The following TYW1 variants were observed in gnomAD, a reference collection of about 807,000 sequenced individuals.
TYW1 encodes the protein tRNA-yW synthesizing protein 1 homolog, also known as S-adenosyl-L-methionine-dependent tRNA 4-demethylwyosine synthase TYW1.
A neutral mutation model predicts 96.2 loss-of-function variants in TYW1; 46 were observed. The observed-to-expected ratio is 0.48, with a 90% confidence interval of 0.38 to 0.61. The LOEUF (loss-of-function observed/expected upper bound fraction) is 0.61, where lower values mean the gene tolerates loss of function less well. TYW1 is among the 20% of genes least tolerant of loss of function. The pLI is 0.00. For synonymous variants in TYW1, 274 were observed against 323.0 expected (o/e 0.85, Z 1.63); for missense variants, 684 against 909.6 (o/e 0.75, Z 3.19).
chr7:67,151,279 C>A (rs1213831153), intron 13 of TYW1, among the ~76,000 whole-genome samples: 1 of 115,694 alleles, frequency 8.6e-6, no homozygotes, highest in Non-Finnish European at 2.0e-5. Flanking sequence ...GAACTCCTGA[C>A]CTCAGGTGAT....
At chr7:67,022,588 C>T (rs1337894871) in intron 6 of TYW1, among the ~76,000 whole-genome samples, 6 of 152,244 alleles carry the variant, frequency 3.9e-5, no homozygotes, top group East Asian at 3.9e-4. Context: ...TTTAGACAAA[C>T]TGGTTGGGAG....
At chr7:67,132,607 T>C (rs1798116755) in intron 13 of TYW1, among the ~76,000 whole-genome samples, 1 of 152,206 alleles carries the variant, frequency 6.6e-6, no homozygotes, top group Non-Finnish European at 1.5e-5. Flanking sequence ...AGTGGTATCA[T>C]GTACATTCAT....
At chr7:67,055,492 G>A (rs112138762) in intron 8 of TYW1, among the ~76,000 whole-genome samples, 9,888 of 151,680 alleles carry the variant, frequency 0.065, 427 homozygotes, top group South Asian at 0.11. Flanking sequence ...CCAATTACGC[G>A]GGAGTCTGAG....
At chr7:67,236,539 T>C (rs1801897055) in intron 15 of TYW1, among the ~76,000 whole-genome samples, 1 of 152,148 alleles carries the variant, frequency 6.6e-6, no homozygotes, top group African/African-American at 2.4e-5. Flanking sequence ...AGTGATTGCC[T>C]CCACAACAGT....
rs1441064106 is a variant in TYW1, at chr7:67,180,247, C to T, written c.1699-2879C>T. 6.1e-5 allele frequency among the ~76,000 whole-genome samples: 8 copies of T among 130,402 alleles called. 2 individuals carry two copies. Among genetic ancestry groups the T allele is most frequent in the East Asian group, 2.0e-4 (1 of 5,080 alleles). 85.5% of individuals were successfully genotyped at this position (130,402 alleles called of 152,430 possible). On this transcript the variant is annotated intron_variant, in intron 13 of 15. Transcript: ENST00000359626. ...GATACGCTGCTGCCAAGCTTGGTTC[C>T]AGATTCCACATGCTAAATGCTACAT...
intron 13 of TYW1, among the ~76,000 whole-genome samples, chr7:67,179,004 A>G (rs981140502): frequency 7.0e-6 from 1 of 142,826 alleles, no homozygotes; most frequent in African/African-American, 2.7e-5. Flanking sequence ...GGCTTTGTCC[A>G]GTAAAGAATT....
At chr7:67,080,823 T>C (rs1796362923) in intron 10 of TYW1, among the ~76,000 whole-genome samples, 1 of 152,150 alleles carries the variant, frequency 6.6e-6, no homozygotes, top group Non-Finnish European at 1.5e-5. Flanking sequence ...TTTTTAAAAT[T>C]CATTCAGCCA....
intron 10 of TYW1, among the ~76,000 whole-genome samples, chr7:67,076,839 A>G (rs578205348): frequency 2.3e-4 from 34 of 149,634 alleles, no homozygotes; most frequent in African/African-American, 8.4e-4. Context: ...CAATGACACA[A>G]TCTTGGCCCA....
chr7:67,145,883 T>G (rs562349761), intron 13 of TYW1, among the ~76,000 whole-genome samples: 1 of 152,250 alleles, frequency 6.6e-6, no homozygotes, highest in Admixed American at 6.5e-5. Context: ...ACCTCCCAAA[T>G]AGCTGGGACT....
intron 12 of TYW1, among the ~76,000 whole-genome samples, chr7:67,102,874 C>T (rs1299121856): frequency 1.3e-5 from 2 of 152,148 alleles, no homozygotes; most frequent in East Asian, 3.9e-4. Flanking sequence ...TGGTCTCGAT[C>T]TCCTGACCTC....
intron 8 of TYW1, among the ~76,000 whole-genome samples, chr7:67,053,872 T>TCTCTAGCTTTCAATCCTGC (rs1393638089): frequency 6.6e-6 from 1 of 152,208 alleles, no homozygotes; most frequent in Non-Finnish European, 1.5e-5. Flanking sequence ...AGGTTTCATC[T>TCTCTAGCTTTCAATCCTGC]CTCTAGCTTT....
rs113155563 is a variant in TYW1 at position 67,065,875 on chromosome 7, G to T, written c.1156-1410G>T. ...AAAATACAAATACTAGCTGGGCGTG[G>T]TGCCGCATGCCTATAATCCCAGCTA... On this transcript the variant is annotated intron_variant, in intron 9 of 15. Coordinates refer to ENST00000359626, the MANE Select transcript of TYW1 (RefSeq NM_018264.4). Among the ~76,000 whole-genome samples, 72 of 152,176 alleles carry T rather than the reference G, an allele frequency of 4.7e-4. 1 individual carries two copies. Among genetic ancestry groups the T allele is most frequent in the African/African-American group, 1.7e-3 (69 of 41,498 alleles).
intron 10 of TYW1, among the ~76,000 whole-genome samples, chr7:67,074,960 G>C (rs1796157620): frequency 1.3e-5 from 2 of 152,014 alleles, no homozygotes; most frequent in African/African-American, 4.8e-5. Flanking sequence ...AGCCTTCCTG[G>C]GACTAAAGAC....
chr7:67,211,444 TG>T (rs751484236), intron 15 of TYW1, among the ~76,000 whole-genome samples: 2 of 152,222 alleles, frequency 1.3e-5, no homozygotes, highest in Non-Finnish European at 2.9e-5. Flanking sequence ...GAGGAGCATC[TG>T]TATTTTCTGC....
At chr7:67,074,762 C>T (rs1796151896) in intron 10 of TYW1, among the ~76,000 whole-genome samples, 1 of 152,094 alleles carries the variant, frequency 6.6e-6, no homozygotes, top group Admixed American at 6.5e-5. Context: ...TAGAATAAAA[C>T]AACATACCTT....
intron 6 of TYW1, 143 bp from the exon 7 acceptor site, chr7:67,024,757 G>C: frequency 7.5e-7 from 1 of 1,328,706 alleles, no homozygotes; most frequent in Non-Finnish European, 9.9e-7. Context: ...CTCCAGCCTG[G>C]GCGACAGAGC....
At position 67,084,099 on chromosome 7, in the gene TYW1, T is replaced by C. The variant is rs55668955; in HGVS notation, c.1384+560T>C. 5.5e-3 allele frequency among the ~76,000 whole-genome samples: 833 copies of C among 152,334 alleles called. 6 individuals are homozygous for C. The highest frequency in any genetic ancestry group is 0.012 in the Admixed American group (183 of 15,302). ...ATATGCTGCATTCAGCCTGAAAGCT[T>C]TACCTGGGAATGTACCATCAATCTT... On this transcript the variant is annotated intron_variant, in intron 11 of 15. Transcript: ENST00000359626.
At position 67,071,937 on chromosome 7, in the gene TYW1, A is replaced by G. The variant is rs531086963; in HGVS notation, c.1274+4534A>G. Reference sequence around the variant, plus strand: ...ATACCCGGCCTGGAACACTCTTTTAATGTTTAGCCAGGCCATTTACAACTC... The same window carrying G: ...ATACCCGGCCTGGAACACTCTTTTAGTGTTTAGCCAGGCCATTTACAACTC... On this transcript the variant is annotated intron_variant, in intron 10 of 15. Transcript: ENST00000359626. Among the ~76,000 whole-genome samples the G allele has an allele frequency of 2.8e-4, 42 of 150,544 alleles. No homozygotes were observed. In the South Asian group the frequency reaches 8.5e-3, roughly 31 times the overall value.
At chr7:67,208,769 A>G (rs1191204366) in intron 15 of TYW1, among the ~76,000 whole-genome samples, 2 of 151,630 alleles carry the variant, frequency 1.3e-5, no homozygotes, top group Non-Finnish European at 2.9e-5. Context: ...CATGACCTTT[A>G]AAGATCCCGC....
Sources: allele counts gnomAD v4.1 joint callset (sites outside exome capture counted in the v4.1 genomes callset), GRCh38; gene constraint gnomAD v4.1.1; transcripts MANE v1.5; gene names NCBI Gene and HGNC (gene_info 2026-07-23, HGNC 2026-07-21).